The following TTYH1 variants were observed in gnomAD, a reference collection of about 807,000 sequenced individuals.
The protein encoded by TTYH1 is tweety family member 1.
In TTYH1, 33 loss-of-function variants were observed where a neutral mutation model predicts 61.2. The ratio of observed to expected loss-of-function variants is 0.54; its 90% CI spans 0.41 to 0.72. The LOEUF is 0.72. Among genes scored for constraint, TTYH1 ranks in the 30% least tolerant of loss-of-function variants. TTYH1 has a pLI of 0.00. For missense variants in TTYH1, 538 were observed against 575.8 expected (o/e 0.93, Z 0.67); for synonymous variants, 308 against 266.4 (o/e 1.16, Z -1.52).
intron 10 of TTYH1, 58 bp downstream of exon 10, chr19:54,431,249 A>G (rs746895048): frequency 8.4e-7 from 1 of 1,189,456 alleles, no homozygotes; most frequent in Non-Finnish European, 1.3e-6. Context: ...CTCGACCCAC[A>G]GAACTACCTC....
chr19:54,418,274 C>A (rs899408415), intron 1 of TTYH1: 1 of 152,366 alleles, frequency 6.6e-6, no homozygotes, highest in Non-Finnish European at 1.5e-5. Flanking sequence ...GTTTCCGCGG[C>A]CTGCCTGTCT....
chr19:54,425,559 G>A (rs1011861398), intron 4 of TTYH1, among the ~76,000 whole-genome samples: 22 of 152,090 alleles, frequency 1.4e-4, no homozygotes, highest in African/African-American at 4.8e-4. Flanking sequence ...TGCATGCCCC[G>A]TGTTTAAAGG....
Position 54,422,222 on chromosome 19 carries a change from G to A in TTYH1, c.450G>A (p.Ala150=), listed in dbSNP as rs113106654. 8.8e-5 allele frequency: 138 copies of A among 1,565,894 alleles called. 1 individual carries two copies. Among genetic ancestry groups the A allele is most frequent in the African/African-American group, 5.4e-4 (40 of 74,518 alleles). Residue 150 remains alanine, a synonymous_variant, in exon 4 of 14, where the codon GCG becomes GCA. Coordinates refer to ENST00000376530, the MANE Select transcript of TTYH1 (RefSeq NM_020659.4). ...AGACGGTGGAGAGGCTGGGCGAGGCGGTGAGGACAGAGCTGACCACCCTGG... is the reference window on the plus strand; with the variant it reads ...AGACGGTGGAGAGGCTGGGCGAGGCAGTGAGGACAGAGCTGACCACCCTGG... The part of the protein sequence containing the change: ...VLETVERLGE[A]VRTELTTLEE...
intron 4 of TTYH1, among the ~76,000 whole-genome samples, chr19:54,423,188 G>A (rs1466365427): frequency 1.3e-5 from 2 of 149,792 alleles, no homozygotes; most frequent in Admixed American, 1.3e-4. Context: ...ATGTGTATTT[G>A]TTCAGCACTA....
chr19:54,427,379 GC>G (rs1195768507), intron 5 of TTYH1, among the ~76,000 whole-genome samples: 1 of 148,956 alleles, frequency 6.7e-6, no homozygotes, highest in African/African-American at 2.5e-5. Flanking sequence ...GCCGAGGAGG[GC>G]GGATCACGAG....
Position 54,415,782 on chromosome 19 carries a change from G to A in TTYH1, c.126+104G>A. ...CACAGATTTCCTGAGCTCCGCCGGA[G>A]GCTGGGGGCCGGCCCGGACTTTGGG... On this transcript the variant is annotated intron_variant, in intron 1 of 13. Coordinates refer to ENST00000376530, the MANE Select transcript of TTYH1 (RefSeq NM_020659.4). This position sits in a 1 kb window ranked among gnomAD's most constrained non-coding sequence, Gnocchi z 5.2. The A allele has an allele frequency of 7.9e-7, 1 of 1,272,436 alleles. No individual in the cohort carries two copies. The highest frequency in any genetic ancestry group is 1.0e-6 in the Non-Finnish European group (1 of 963,442). 78.8% of individuals were successfully genotyped at this position (1,272,436 alleles called of 1,614,324 possible).
At chr19:54,422,936 A>T (rs1222516175) in intron 4 of TTYH1, among the ~76,000 whole-genome samples, 1 of 76,202 alleles carries the variant, frequency 1.3e-5, no homozygotes, top group Non-Finnish European at 3.0e-5. Flanking sequence ...CTCAAAAAAA[A>T]AAAAAAAAAA....
intron 9 of TTYH1, 28 bp downstream of exon 9, chr19:54,430,933 G>C (rs1034898392): frequency 3.7e-6 from 6 of 1,606,722 alleles, no homozygotes; most frequent in Admixed American, 3.3e-5. Context: ...CCCCAGACAC[G>C]CGGACCCCAC....
chr19:54,430,765 G>A (rs777430611), intron 8 of TTYH1, 48 bp from the exon 9 acceptor site: 3 of 1,592,688 alleles, frequency 1.9e-6, no homozygotes, highest in South Asian at 1.1e-5. Flanking sequence ...AGAGAGGGCC[G>A]GGGGCGTATA....
chr19:54,428,674 TGGGGTGA>T (rs2083376901), intron 5 of TTYH1, among the ~76,000 whole-genome samples: 1 of 152,132 alleles, frequency 6.6e-6, no homozygotes, highest in African/African-American at 2.4e-5. Context: ...CTGGCCCTGG[TGGGGTGA>T]GGCAGAGTTG....
At chr19:54,427,109 C>CTCA (rs2083336178) in intron 5 of TTYH1, among the ~76,000 whole-genome samples, 1 of 147,138 alleles carries the variant, frequency 6.8e-6, no homozygotes, top group Non-Finnish European at 1.5e-5. Context: ...CCAGCCTGAC[C>CTCA]AACATGGAGA....
At chr19:54,427,399 T>A (rs370343046) in intron 5 of TTYH1, among the ~76,000 whole-genome samples, 139,746 of 141,156 alleles carry the variant, frequency 0.99, 69,172 homozygotes, top group African/African-American at 1. Flanking sequence ...AGGTCAGGAG[T>A]TCGAGACCAT....
chr19:54,419,156 G>A lies in TTYH1; in HGVS notation c.155G>A (p.Gly52Asp). 6.2e-7 allele frequency: 1 copy of A among 1,613,074 alleles called. No individual in the cohort carries two copies. Among genetic ancestry groups the A allele is most frequent in the East Asian group, 2.2e-5 (1 of 44,870 alleles). ...QALLLVAALA[G>D]LGLGLSLIFI... is the part of the protein sequence containing the mutation. The stretch of plus-strand genomic sequence containing the variant: ...TTGTTGCTGGTGGCGGCCTTGGCGG[G>A]CCTGGGCTTGGGCCTGAGCCTCATT... Residue 52 changes from glycine (G) to aspartate (D), a missense_variant, in exon 2 of 14, where the codon GGC becomes GAC. By Grantham distance (94) the Gly-to-Asp change is moderately conservative. Coordinates refer to ENST00000376530, the MANE Select transcript of TTYH1 (RefSeq NM_020659.4). This position sits in a 1 kb window ranked among gnomAD's most constrained non-coding sequence, Gnocchi z 6.1.
chr19:54,424,911 G>A (rs966361010), intron 4 of TTYH1, among the ~76,000 whole-genome samples: 1 of 151,698 alleles, frequency 6.6e-6, no homozygotes. Flanking sequence ...CCTTGCTCCC[G>A]GAGCTCCCAA....
In TTYH1 at chr19:54,429,486, C is replaced by A; in HGVS notation, c.807+107C>A. The A allele has an allele frequency of 9.7e-7, 1 of 1,030,350 alleles. No individual in the cohort carries two copies. Among genetic ancestry groups the A allele is most frequent in the Non-Finnish European group, 1.5e-6 (1 of 674,256 alleles). 63.8% of individuals were successfully genotyped at this position (1,030,350 alleles called of 1,614,324 possible). ...CTTAGTAGAGAAAGGAATTGGGGGG[C>A]ACGATCACAGCTCTGAGGTTTAGGG... On this transcript the variant is annotated intron_variant, in intron 6 of 13. Coordinates refer to ENST00000376530, the MANE Select transcript of TTYH1 (RefSeq NM_020659.4). This position sits in a 1 kb window ranked among gnomAD's most constrained non-coding sequence, Gnocchi z 5.1.
intron 4 of TTYH1, among the ~76,000 whole-genome samples, chr19:54,423,710 A>T (rs1034082288): frequency 1.1e-4 from 16 of 152,168 alleles, no homozygotes; most frequent in Admixed American, 3.3e-4. Flanking sequence ...CAGGGAGAGC[A>T]CCGCAGAGAT....
chr19:54,433,964 AAAC>A (rs2083489992), intron 10 of TTYH1, among the ~76,000 whole-genome samples: 1 of 152,158 alleles, frequency 6.6e-6, no homozygotes, highest in Admixed American at 6.6e-5. Context: ...AATACTCTCA[AAAC>A]AGAGCCTCCA....
intron 4 of TTYH1, among the ~76,000 whole-genome samples, chr19:54,423,920 T>C (rs1599895917): frequency 6.6e-6 from 1 of 152,104 alleles, no homozygotes; most frequent in East Asian, 1.9e-4. Flanking sequence ...CCCAGCACTT[T>C]GGGAAGCCGA....
At chr19:54,430,950 G>A (rs977472106) in intron 9 of TTYH1, 45 bp downstream of exon 9, 1 of 1,594,902 alleles carries the variant, frequency 6.3e-7, no homozygotes, top group Non-Finnish European at 8.6e-7. Flanking sequence ...CCACGGGGAA[G>A]GCGGACGGGG....
Sources: gnomAD v4.1 joint callset for allele counts (sites outside exome capture counted in the v4.1 genomes callset) on GRCh38, gnomAD v4.1.1 for gene constraint, Gnocchi (gnomAD v3.1) non-coding constraint, MANE v1.5 for transcripts, NCBI Gene and HGNC (gene_info 2026-07-23, HGNC 2026-07-21) for gene names.